Variants in APAF1 observed in about 807,000 individuals in gnomAD.
APAF1 encodes the protein apoptotic protease-activating factor 1.
APAF1 carries 91 observed loss-of-function variants against 152.4 expected under a neutral mutation model. That is an observed-to-expected ratio of 0.60 (90% CI 0.50 to 0.71). APAF1 has a LOEUF of 0.71. Ranked by LOEUF, APAF1 falls within the 30% of genes least tolerant of loss-of-function variation. The pLI is 0.00. For missense variants in APAF1, 1,283 were observed against 1,472.0 expected (o/e 0.87, Z 2.10); for synonymous variants, 484 against 494.1 (o/e 0.98, Z 0.27).
Position 98,648,515 on chromosome 12 carries a change from A to C in APAF1, c.138+18A>C. On this transcript the variant is annotated intron_variant, in intron 2 of 26. Transcript: ENST00000551964. ...GAAATGAGGTAAAGCTCTCTGAAGC[A>C]GTCCACACTTCCTTAAAAATTTTTA... is the stretch of plus-strand genomic sequence containing the variant. 2 of 1,611,616 alleles carry C rather than the reference A, an allele frequency of 1.2e-6. No homozygotes were observed. The highest frequency in any genetic ancestry group is 1.7e-6 in the Non-Finnish European group (2 of 1,179,226).
intron 4 of APAF1, among the ~76,000 whole-genome samples, chr12:98,657,705 A>T (rs2097659550): frequency 6.6e-6 from 1 of 152,192 alleles, no homozygotes. Context: ...ATTCTTGTGG[A>T]TGCAGAATAG....
rs554950490 is a variant in APAF1, at chr12:98,718,367, G to A, written c.3084+2815G>A. Among the ~76,000 whole-genome samples, 9 of 152,000 alleles carry A rather than the reference G, an allele frequency of 5.9e-5. No individual in the cohort carries two copies. In the East Asian group the frequency reaches 1.8e-3, roughly 30 times the overall value. On this transcript the variant is annotated intron_variant, in intron 22 of 26. Transcript: ENST00000551964. ...TCTGCTTCAGCCTCCTGAGTAGCTGGGATTACAGGCACCTGCCATCACATG... is the reference window on the plus strand; with the variant it reads ...TCTGCTTCAGCCTCCTGAGTAGCTGAGATTACAGGCACCTGCCATCACATG...
chr12:98,694,665 G>T (rs2097707812), intron 16 of APAF1, among the ~76,000 whole-genome samples: 1 of 151,292 alleles, frequency 6.6e-6, no homozygotes, highest in South Asian at 2.1e-4. Flanking sequence ...TAGTAATAGG[G>T]TTTTTTTTGA....
chr12:98,705,937 A>T (rs777544649), intron 18 of APAF1, among the ~76,000 whole-genome samples: 2 of 152,176 alleles, frequency 1.3e-5, no homozygotes, highest in Non-Finnish European at 2.9e-5. Flanking sequence ...TCTTGCTTTC[A>T]TCCCTATCCC....
At chr12:98,720,585 G>T (rs918457128) in intron 22 of APAF1, among the ~76,000 whole-genome samples, 1 of 152,142 alleles carries the variant, frequency 6.6e-6, no homozygotes, top group African/African-American at 2.4e-5. Context: ...GGTAGTTTTT[G>T]ATCCTTTACC....
chr12:98,648,842 C>T (rs781078640), intron 3 of APAF1, 27 bp downstream of exon 3: 2 of 1,601,476 alleles, frequency 1.2e-6, no homozygotes, highest in Non-Finnish European at 1.7e-6. Flanking sequence ...CCTTCTATCA[C>T]TTTGCTATCA....
rs550168603 is a variant in APAF1, at chr12:98,667,261, G to A, written c.1363-252G>A. Among the ~76,000 whole-genome samples the A allele has an allele frequency of 1.9e-4, 29 of 151,822 alleles. 1 individual carries two copies. Among genetic ancestry groups the A allele is most frequent in the Non-Finnish European group, 1.2e-4 (8 of 67,930 alleles). The stretch of plus-strand genomic sequence containing the variant: ...CAGGCATATGCCACCACACCTGACT[G>A]ATTTTTTTTATTTTTTATTTTTTGT... On this transcript the variant is annotated intron_variant, in intron 9 of 26. Transcript: ENST00000551964.
chr12:98,646,584 T>C (rs186943003), intron 1 of APAF1, among the ~76,000 whole-genome samples: 7 of 152,324 alleles, frequency 4.6e-5, no homozygotes, highest in African/African-American at 1.7e-4. Context: ...TTGAGTAGAC[T>C]GTGAATTATT....
chr12:98,692,398 A>T (rs1373124791), intron 16 of APAF1, among the ~76,000 whole-genome samples: 1 of 149,762 alleles, frequency 6.7e-6, no homozygotes, highest in South Asian at 2.1e-4. Flanking sequence ...TTCATGATTT[A>T]AAAAAAAAAA....
intron 4 of APAF1, among the ~76,000 whole-genome samples, chr12:98,652,470 T>A (rs1330022553): frequency 6.6e-6 from 1 of 152,142 alleles, no homozygotes; most frequent in Non-Finnish European, 1.5e-5. Flanking sequence ...CTTCATAAGC[T>A]TGTTGTTAGC....
intron 22 of APAF1, among the ~76,000 whole-genome samples, chr12:98,720,626 T>G (rs1331243189): frequency 1.1e-4 from 17 of 152,182 alleles, no homozygotes; most frequent in Admixed American, 1.1e-3. Flanking sequence ...GTATTACCCA[T>G]GCTTACATGA....
chr12:98,666,358 G>A lies in APAF1; in HGVS notation c.1362+1G>A. The A allele has an allele frequency of 6.2e-7, 1 of 1,609,874 alleles. No homozygotes were observed. The highest frequency in any genetic ancestry group is 1.1e-5 in the South Asian group (1 of 89,308). ...AGAGAAGAATTGCAGCCAGCTTCAG[G>A]TACTTGCATCTTGGTTTACTTTTTT... On this transcript the variant is annotated splice_donor_variant, in intron 9 of 26. Transcript: ENST00000551964. LOFTEE classifies it high-confidence loss of function.
At position 98,686,608 on chromosome 12, in the gene APAF1, T is replaced by TA; in HGVS notation, c.2179-139dup. ...ATCACAAGTTCATTTTTGTGTTTGA[T>TA]ACGTTTGTGTTACTGTGAATTAAAC... is the stretch of plus-strand genomic sequence containing the variant. On this transcript the variant is annotated intron_variant, in intron 15 of 26. Transcript: ENST00000551964. 8.7e-6 allele frequency: 7 copies of TA among 800,798 alleles called. No homozygotes were observed. In the South Asian group the frequency reaches 9.1e-5, roughly 10 times the overall value. The allele number at this position is 800,798 out of a possible 1,614,324, so 49.6% of individuals were successfully genotyped here. A position where few individuals can be genotyped will look rare whatever the true frequency, so the allele number is the denominator to read the frequency against.
At chr12:98,679,326 A>G (rs957599892) in intron 13 of APAF1, among the ~76,000 whole-genome samples, 1 of 152,032 alleles carries the variant, frequency 6.6e-6, no homozygotes, top group African/African-American at 2.4e-5. Context: ...ATAGCTGAAC[A>G]CTTGTCAGGA....
chr12:98,732,195 C>T (rs966225912), intron 26 of APAF1, among the ~76,000 whole-genome samples: 18 of 152,168 alleles, frequency 1.2e-4, no homozygotes, highest in African/African-American at 1.7e-4. Context: ...CACAACTCAA[C>T]GGTTGGAGTT....
chr12:98,717,093 C>T (rs1173246076), intron 22 of APAF1, among the ~76,000 whole-genome samples: 2 of 151,936 alleles, frequency 1.3e-5, no homozygotes, highest in African/African-American at 4.8e-5. Context: ...TGGTCTTGAA[C>T]TCCTGACCTT....
chr12:98,697,312 A>G (rs2097711010), intron 16 of APAF1, among the ~76,000 whole-genome samples: 1 of 152,082 alleles, frequency 6.6e-6, no homozygotes, highest in Non-Finnish European at 1.5e-5. Context: ...CTTTCAAATG[A>G]CACCTGACAT....
intron 26 of APAF1, 37 bp downstream of exon 26, chr12:98,727,353 G>T (rs1193834848): frequency 6.2e-7 from 1 of 1,607,768 alleles, no homozygotes; most frequent in African/African-American, 1.3e-5. Context: ...GAAAATAATA[G>T]CCTATATCAT....
In APAF1 at chr12:98,727,154, G is replaced by C. The variant is rs2097751710; in HGVS notation, c.3457-19G>C. The C allele has an allele frequency of 6.2e-7, 1 of 1,612,814 alleles. No individual in the cohort carries two copies. On this transcript the variant is annotated intron_variant, in intron 25 of 26. Coordinates refer to ENST00000551964, the MANE Select transcript of APAF1 (RefSeq NM_181861.2). Reference sequence around the variant, plus strand: ...TTCTGGATAACTCTGTTAATGAATTGTGTATCATGTTTATGTAGATATGGA... The same window carrying C: ...TTCTGGATAACTCTGTTAATGAATTCTGTATCATGTTTATGTAGATATGGA...
Sources: gnomAD v4.1 joint callset for allele counts (sites outside exome capture counted in the v4.1 genomes callset) on GRCh38, gnomAD v4.1.1 for gene constraint, MANE v1.5 for transcripts, NCBI Gene and HGNC (gene_info 2026-07-23, HGNC 2026-07-21) for gene names.